WWOX: variants seen among roughly 807,000 people sequenced by gnomAD.
WWOX encodes WW domain-containing oxidoreductase.
WWOX carries 69 observed loss-of-function variants against 46.2 expected under a neutral mutation model. The observed-to-expected ratio is 1.49, with a 90% CI of 1.23 to 1.82. The LOEUF (loss-of-function observed/expected upper bound fraction) is 1.82, where lower values mean the gene tolerates loss of function less well. Among genes scored for constraint, WWOX ranks in the 40% most tolerant of loss-of-function variants. The probability of loss-of-function intolerance (pLI) is 0.00; values close to 1 mark genes in which losing one functional copy is unlikely to be tolerated. For synonymous variants in WWOX, 359 were observed against 202.6 expected (o/e 1.77, Z -6.56); for missense variants, 919 against 542.6 (o/e 1.69, Z -6.89).
chr16:78,594,789 C>T (rs1208895841), intron 8 of WWOX, among the ~76,000 whole-genome samples: 1 of 152,110 alleles, frequency 6.6e-6, no homozygotes, highest in Non-Finnish European at 1.5e-5. Flanking sequence ...ATTCAGAAAA[C>T]TCTATAGCCT....
intron 8 of WWOX, among the ~76,000 whole-genome samples, chr16:78,571,951 C>A (rs540031571): frequency 3.3e-5 from 5 of 152,158 alleles, no homozygotes; most frequent in Admixed American, 2.6e-4. Flanking sequence ...AAGGTCATAA[C>A]AAGCACTGGA....
chr16:78,306,737 G>A lies in WWOX; in HGVS notation c.517-80123G>A, dbSNP rs191226784. Among the ~76,000 whole-genome samples, 268 of 151,282 alleles carry A rather than the reference G, an allele frequency of 1.8e-3. 1 individual carries two copies. The highest frequency in any genetic ancestry group is 4.2e-3 in the South Asian group (20 of 4,790). On this transcript the variant is annotated intron_variant, in intron 5 of 8. Transcript: ENST00000566780. ...AATTTTGCTCCTTCCCACAACCCCAGTGAGCCCCACTCTGTCCCATAATTC... is the reference window on the plus strand; with the variant it reads ...AATTTTGCTCCTTCCCACAACCCCAATGAGCCCCACTCTGTCCCATAATTC...
Position 78,953,835 on chromosome 16 carries a change from CT to C in WWOX, c.1057-257772del, listed in dbSNP as rs1424131167. 2.6e-5 allele frequency among the ~76,000 whole-genome samples: 4 copies of C among 152,360 alleles called. No individual in the cohort carries two copies. In the East Asian group the frequency reaches 7.7e-4, roughly 29 times the overall value. On this transcript the variant is annotated intron_variant, in intron 8 of 8. Coordinates refer to ENST00000566780, the MANE Select transcript of WWOX (RefSeq NM_016373.4). ...CGCAGCTGGGCATGATCGAGCCACT[CT>C]CCACTCTCCTGTAGCATTTTTGGGC...
intron 8 of WWOX, among the ~76,000 whole-genome samples, chr16:79,037,426 C>G (rs1327798938): frequency 1.3e-5 from 2 of 152,074 alleles, no homozygotes; most frequent in African/African-American, 4.8e-5. Context: ...ATGCTGTATG[C>G]TGGGTACTAG....
intron 8 of WWOX, among the ~76,000 whole-genome samples, chr16:78,586,573 G>C (rs981956693): frequency 6.6e-6 from 1 of 152,118 alleles, no homozygotes. Context: ...TTTTAGAAAC[G>C]AGAAAATGGT....
intron 8 of WWOX, among the ~76,000 whole-genome samples, chr16:78,468,747 T>A (rs2084147484): frequency 6.6e-6 from 1 of 152,160 alleles, no homozygotes; most frequent in Non-Finnish European, 1.5e-5. Flanking sequence ...CCTCAAAGAA[T>A]TGTAGTTGGA....
intron 6 of WWOX, among the ~76,000 whole-genome samples, chr16:78,407,036 A>G (rs1325597382): frequency 6.6e-6 from 1 of 152,208 alleles, no homozygotes; most frequent in Non-Finnish European, 1.5e-5. Flanking sequence ...TTGCTGAAGT[A>G]GATTTGACCT....
At chr16:78,722,902 C>T (rs1031893940) in intron 8 of WWOX, among the ~76,000 whole-genome samples, 8 of 151,726 alleles carry the variant, frequency 5.3e-5, no homozygotes, top group African/African-American at 1.7e-4. Context: ...ATTAGCCAGG[C>T]GCAGTGGCTC....
At position 79,105,654 on chromosome 16, in the gene WWOX, CTTTTTGT is replaced by C. The variant is rs1168478061; in HGVS notation, c.1057-105948_1057-105942del. On this transcript the variant is annotated intron_variant, in intron 8 of 8. Transcript: ENST00000566780. ...TTTGTTTATAGAATACTGTGAATGTCTTTTTGTTTTTTTTTTTTTTGTTTGCGAGACA... is the reference window on the plus strand; with the variant it reads ...TTTGTTTATAGAATACTGTGAATGTCTTTTTTTTTTTTTGTTTGCGAGACA... Among the ~76,000 whole-genome samples, 913 of 149,932 alleles carry C rather than the reference CTTTTTGT, an allele frequency of 6.1e-3. 6 individuals carry two copies. The highest frequency in any genetic ancestry group is 0.021 in the African/African-American group (872 of 40,886).
At chr16:78,550,403 G>C (rs974942522) in intron 8 of WWOX, among the ~76,000 whole-genome samples, 2 of 152,306 alleles carry the variant, frequency 1.3e-5, no homozygotes, top group Middle Eastern at 3.4e-3. Flanking sequence ...AAGCCAATGG[G>C]CATGGTTGTG....
In WWOX at chr16:78,355,468, G is replaced by C. The variant is rs141318385; in HGVS notation, c.517-31392G>C. On this transcript the variant is annotated intron_variant, in intron 5 of 8. Transcript: ENST00000566780. ...GTACAAAAAATTAGCCTGGCGTGGT[G>C]GCGGGCACCTGTAGTCCCAGCTACT... 9.8e-3 allele frequency: 3,190 copies of C among 326,426 alleles called. 64 individuals carry two copies. The highest frequency in any genetic ancestry group is 0.054 in the African/African-American group (2,393 of 44,572). The allele number at this position is 326,426 out of a possible 1,614,324, so 20.2% of individuals were successfully genotyped here.
intron 8 of WWOX, among the ~76,000 whole-genome samples, chr16:78,885,990 T>C (rs1047437347): frequency 6.7e-6 from 1 of 148,632 alleles, no homozygotes; most frequent in South Asian, 2.2e-4. Flanking sequence ...AGTAGCACCA[T>C]CTTGGCTTGC....
chr16:78,405,471 C>T (rs1025523235), intron 6 of WWOX, among the ~76,000 whole-genome samples: 1 of 152,178 alleles, frequency 6.6e-6, no homozygotes, highest in African/African-American at 2.4e-5. Flanking sequence ...TCACTGGCCA[C>T]CCAAGCTGAT....
At chr16:78,549,171 G>C (rs549454652) in intron 8 of WWOX, among the ~76,000 whole-genome samples, 16 of 152,280 alleles carry the variant, frequency 1.1e-4, no homozygotes, top group South Asian at 2.1e-4. Flanking sequence ...ATTGCCGGTC[G>C]TAAAGGAGGG....
At chr16:78,930,178 T>C (rs543843292) in intron 8 of WWOX, among the ~76,000 whole-genome samples, 1 of 150,594 alleles carries the variant, frequency 6.6e-6, no homozygotes, top group Admixed American at 6.6e-5. Flanking sequence ...GTCCTGAAAA[T>C]TACACCATAC....
intron 8 of WWOX, among the ~76,000 whole-genome samples, chr16:78,437,540 G>C (rs1048106863): frequency 6.6e-6 from 1 of 151,994 alleles, no homozygotes; most frequent in Non-Finnish European, 1.5e-5. Flanking sequence ...TCAGCACAGC[G>C]GCCCCTACTG....
intron 8 of WWOX, among the ~76,000 whole-genome samples, chr16:78,952,142 C>T (rs1443969580): frequency 1.3e-5 from 2 of 151,998 alleles, no homozygotes; most frequent in Non-Finnish European, 2.9e-5. Flanking sequence ...ATCATTGTAA[C>T]CCTCTACCCT....
At position 78,348,117 on chromosome 16, in the gene WWOX, T is replaced by A. The variant is rs186380616; in HGVS notation, c.517-38743T>A. Among the ~76,000 whole-genome samples the A allele has an allele frequency of 7.3e-5, 9 of 122,570 alleles. No homozygotes were observed. The East Asian group carries it at 1.7e-3, about 24-fold the overall frequency. 80.4% of individuals were successfully genotyped at this position (122,570 alleles called of 152,430 possible). ...AAATAGTTCTTTTATTATTGCTCCC[T>A]GCAATGGGAACAGAGCTGAGGCTCC... On this transcript the variant is annotated intron_variant, in intron 5 of 8. Transcript: ENST00000566780.
At chr16:78,982,745 C>T (rs1330425190) in intron 8 of WWOX, among the ~76,000 whole-genome samples, 1 of 152,140 alleles carries the variant, frequency 6.6e-6, no homozygotes, top group South Asian at 2.1e-4. Context: ...TCCTGCAAAC[C>T]CTCGAGAAGT....
Sources: gnomAD v4.1 joint callset for allele counts (sites outside exome capture counted in the v4.1 genomes callset) on GRCh38, gnomAD v4.1.1 for gene constraint, MANE v1.5 for transcripts, NCBI Gene and HGNC (gene_info 2026-07-23, HGNC 2026-07-21) for gene names.